Variants in TEAD4 observed in about 807,000 individuals in gnomAD.
TEAD4 encodes the protein transcriptional enhancer factor TEF-3.
A neutral mutation model predicts 52.4 loss-of-function variants in TEAD4; 36 were observed. The observed-to-expected ratio is 0.69, with a 90% CI of 0.53 to 0.91. The LOEUF is 0.91. Ranked by LOEUF, TEAD4 falls within the 40% of genes least tolerant of loss-of-function variation. TEAD4 has a pLI of 0.00. For missense variants in TEAD4, 508 were observed against 583.9 expected, an observed-to-expected ratio of 0.87 and a Z score of 1.34; for synonymous variants, 220 against 231.0, an observed-to-expected ratio of 0.95 and a Z score of 0.43.
chr12:2,970,293 G>A (rs2098224046), intron 2 of TEAD4, among the ~76,000 whole-genome samples: 1 of 152,220 alleles, frequency 6.6e-6, no homozygotes, highest in African/African-American at 2.4e-5. Flanking sequence ...TGGGGCGAGT[G>A]GTCGTGGTTG....
At chr12:3,008,471 A>G (rs148863563) in intron 3 of TEAD4, among the ~76,000 whole-genome samples, 13 of 152,274 alleles carry the variant, frequency 8.5e-5, no homozygotes, top group African/African-American at 3.1e-4. Context: ...GGACACTGTT[A>G]ATCTGGGGCA....
chr12:3,022,149 T>A, intron 10 of TEAD4, 132 bp downstream of exon 10: 3 of 1,225,292 alleles, frequency 2.4e-6, no homozygotes, highest in South Asian at 1.4e-5. Context: ...AAGGGGAGAG[T>A]AAGCCCAGCA....
intron 3 of TEAD4, among the ~76,000 whole-genome samples, chr12:3,010,544 A>T (rs2098259441): frequency 6.6e-6 from 1 of 152,214 alleles, no homozygotes. Flanking sequence ...CAGGACAAGA[A>T]GTCTGGACGC....
chr12:2,976,608 C>T (rs971232224), intron 2 of TEAD4, among the ~76,000 whole-genome samples: 1 of 152,246 alleles, frequency 6.6e-6, no homozygotes, highest in African/African-American at 2.4e-5. Flanking sequence ...CCTTGACCCA[C>T]TTCCTGCATG....
chr12:3,037,991 G>T lies in TEAD4; in HGVS notation c.921G>T (p.Glu307Asp), dbSNP rs758015153. Residue 307 changes from glutamate to aspartate, a missense_variant, in exon 11 of 13, where the codon GAG (glutamate) becomes GAT (aspartate). Glu to Asp is a conservative substitution (Grantham distance 45). Transcript: ENST00000359864. ...AGGCAGACCTCAACACCAACATCGA[G>T]GATGAAGGCAGCTCCTTCTATGGGG... 1 of 1,613,800 alleles carries T rather than the reference G, an allele frequency of 6.2e-7. No individual in the cohort carries two copies. Among genetic ancestry groups the T allele is most frequent in the Non-Finnish European group, 8.5e-7 (1 of 1,179,882 alleles).
intron 6 of TEAD4, among the ~76,000 whole-genome samples, chr12:3,017,980 A>G (rs1368243782): frequency 6.6e-6 from 1 of 152,122 alleles, no homozygotes; most frequent in Non-Finnish European, 1.5e-5. Flanking sequence ...CCCAGCCATG[A>G]CCATGTTGGC....
At chr12:2,992,332 C>T (rs1305272808) in intron 2 of TEAD4, among the ~76,000 whole-genome samples, 6 of 152,126 alleles carry the variant, frequency 3.9e-5, no homozygotes, top group South Asian at 2.1e-4. Flanking sequence ...TCCTGCTTTA[C>T]GTGTCAGTGG....
At chr12:3,004,963 C>T (rs895996068) in intron 3 of TEAD4, among the ~76,000 whole-genome samples, 1 of 152,176 alleles carries the variant, frequency 6.6e-6, no homozygotes, top group African/African-American at 2.4e-5. Context: ...TCTCAACTGC[C>T]GGCATCACCC....
chr12:3,000,649 A>G (rs1024597640), intron 3 of TEAD4, among the ~76,000 whole-genome samples: 1 of 152,132 alleles, frequency 6.6e-6, no homozygotes, highest in Non-Finnish European at 1.5e-5. Context: ...ACTAATATTC[A>G]AACCATAGCA....
At position 2,960,409 on chromosome 12, in the gene TEAD4, G is replaced by A. The variant is rs142813979; in HGVS notation, c.-30+369G>A. ...GCGATGCGAAAGTCGGGGGACCCCTGCAAAAGGTCCTACACCTCAGGGCTT... is the reference window on the plus strand; with the variant it reads ...GCGATGCGAAAGTCGGGGGACCCCTACAAAAGGTCCTACACCTCAGGGCTT... On this transcript the variant is annotated intron_variant, in intron 2 of 12. Coordinates refer to ENST00000359864, the MANE Select transcript of TEAD4 (RefSeq NM_003213.4). 66 of 973,270 alleles carry A rather than the reference G, an allele frequency of 6.8e-5. No individual in the cohort carries two copies. The Middle Eastern group carries it at 1.6e-3, about 23-fold the overall frequency. 60.3% of individuals were successfully genotyped at this position (973,270 alleles called of 1,614,324 possible). A position where few individuals can be genotyped will look rare whatever the true frequency, so the allele number is the denominator to read the frequency against.
At position 3,020,704 on chromosome 12, in the gene TEAD4, C is replaced by T. The variant is rs771201859; in HGVS notation, c.654C>T (p.Ser218=). The T allele has an allele frequency of 6.2e-7, 1 of 1,609,232 alleles. No individual in the cohort carries two copies. The highest frequency in any genetic ancestry group is 8.5e-7 in the Non-Finnish European group (1 of 1,177,774). Residue 218 remains serine (S), a synonymous_variant, in exon 9 of 13, where the codon AGC becomes AGT. Coordinates refer to ENST00000359864, the MANE Select transcript of TEAD4 (RefSeq NM_003213.4). ...CGGCACCCCCATGGCAGGGCCGCAG[C>T]GTGGCCAGCTCCAAGCTCTGGATGT...
intron 8 of TEAD4, among the ~76,000 whole-genome samples, chr12:3,019,610 C>A (rs145085945): frequency 3.9e-5 from 6 of 152,182 alleles, no homozygotes; most frequent in Non-Finnish European, 8.8e-5. Context: ...AGGCAGCCAG[C>A]GGTGCTGACA....
chr12:3,020,719 G>T lies in TEAD4; in HGVS notation c.669G>T (p.Lys223Asn). 6.2e-7 allele frequency: 1 copy of T among 1,609,544 alleles called. No individual in the cohort carries two copies. Residue 223 changes from lysine (K) to asparagine (N), a missense_variant, in exon 9 of 13, where the codon AAG (lysine) becomes AAT (asparagine). Coordinates refer to ENST00000359864, the MANE Select transcript of TEAD4 (RefSeq NM_003213.4). Reference sequence around the variant, plus strand: ...AGGGCCGCAGCGTGGCCAGCTCCAAGCTCTGGATGTTGGAGTTCTCTGCCT... The same window carrying T: ...AGGGCCGCAGCGTGGCCAGCTCCAATCTCTGGATGTTGGAGTTCTCTGCCT...
intron 2 of TEAD4, among the ~76,000 whole-genome samples, chr12:2,962,340 A>ATTT (rs1356631338): frequency 2.8e-5 from 3 of 106,710 alleles, no homozygotes; most frequent in African/African-American, 1.2e-4. Context: ...ATAAATATAT[A>ATTT]TATATATTTT....
At position 2,994,745 on chromosome 12, in the gene TEAD4, G is replaced by A. The variant is rs750192212; in HGVS notation, c.-22G>A. 1.0e-5 allele frequency: 16 copies of A among 1,582,934 alleles called. No homozygotes were observed. Among genetic ancestry groups the A allele is most frequent in the African/African-American group, 5.4e-5 (4 of 74,128 alleles). The stretch of plus-strand genomic sequence containing the variant: ...TGGTTCCTGTCCCCACAGGTCCAAC[G>A]AGCGCTCCTCCAAGCGGAGCCTTGG... On this transcript the variant is annotated 5_prime_UTR_variant, in exon 3 of 13. Coordinates refer to ENST00000359864, the MANE Select transcript of TEAD4 (RefSeq NM_003213.4). The surrounding 1 kb of genome is among the most constrained non-coding windows in gnomAD (Gnocchi z 4.7).
At chr12:2,991,872 T>G (rs1199689738) in intron 2 of TEAD4, among the ~76,000 whole-genome samples, 1 of 152,008 alleles carries the variant, frequency 6.6e-6, no homozygotes, top group African/African-American at 2.4e-5. Flanking sequence ...TCTGAAGGGC[T>G]GAGAACAAGA....
At chr12:3,010,057 C>A (rs2098259052) in intron 3 of TEAD4, among the ~76,000 whole-genome samples, 1 of 152,228 alleles carries the variant, frequency 6.6e-6, no homozygotes, top group African/African-American at 2.4e-5. Context: ...TCTGATCCCC[C>A]CACTCAAACC....
In TEAD4 at chr12:3,020,679, C is replaced by T. The variant is rs199662990; in HGVS notation, c.629C>T (p.Pro210Leu). 2.5e-5 allele frequency: 40 copies of T among 1,605,026 alleles called. No homozygotes were observed. Among genetic ancestry groups the T allele is most frequent in the Admixed American group, 6.8e-5 (4 of 59,046 alleles). Residue 210 changes from proline to leucine, a missense_variant, in exon 9 of 13, where the codon CCG (proline) becomes CTG (leucine). Physicochemically the swap from Pro to Leu is moderately conservative, Grantham distance 98. Coordinates refer to ENST00000359864, the MANE Select transcript of TEAD4 (RefSeq NM_003213.4). ...CCCGCCCCATCGCCCTCTGCGCCCC[C>T]GGCACCCCCATGGCAGGGCCGCAGC...
chr12:3,030,653 C>T (rs2098274918), intron 10 of TEAD4, among the ~76,000 whole-genome samples: 1 of 152,122 alleles, frequency 6.6e-6, no homozygotes, highest in Non-Finnish European at 1.5e-5. Context: ...TGCTGTTGTC[C>T]TTCTAGCTGG....
Sources: allele counts gnomAD v4.1 joint callset (sites outside exome capture counted in the v4.1 genomes callset), GRCh38; gene constraint gnomAD v4.1.1; non-coding constraint Gnocchi (gnomAD v3.1); transcripts MANE v1.5; gene names NCBI Gene and HGNC (gene_info 2026-07-23, HGNC 2026-07-21).